CSMD1: variants seen among roughly 807,000 people sequenced by gnomAD.
CSMD1 encodes CUB and Sushi multiple domains 1.
Under a neutral mutation model 417.5 loss-of-function variants are expected in CSMD1, and 213 were observed. The observed-to-expected ratio is 0.51, with a 90% confidence interval of 0.46 to 0.57. The LOEUF (loss-of-function observed/expected upper bound fraction) is 0.57. Ranked by LOEUF, CSMD1 falls within the 20% of genes least tolerant of loss-of-function variation. CSMD1 has a pLI of 0.00. For missense variants in CSMD1, 6,923 were observed against 4,529.7 expected, an observed-to-expected ratio of 1.53 and a Z score of -15.17; for synonymous variants, 2,862 against 1,736.8, an observed-to-expected ratio of 1.65 and a Z score of -16.11.
chr8:4,665,158 T>C (rs1430692328), intron 1 of CSMD1, among the ~76,000 whole-genome samples: 1 of 152,174 alleles, frequency 6.6e-6, no homozygotes, highest in Non-Finnish European at 1.5e-5. Context: ...TTTTTTGCTT[T>C]CTTAGGTCTT....
At chr8:3,367,005 G>C (rs370882123) in intron 20 of CSMD1, 27 bp downstream of exon 20, 7 of 1,560,080 alleles carry the variant, frequency 4.5e-6, no homozygotes, top group African/African-American at 2.7e-5. Flanking sequence ...TGCCAGAGGA[G>C]AGAAACAGCA....
chr8:3,794,373 C>G (rs961848088), intron 5 of CSMD1, among the ~76,000 whole-genome samples: 1 of 152,108 alleles, frequency 6.6e-6, no homozygotes, highest in Admixed American at 6.6e-5. Flanking sequence ...ACTTATAGAT[C>G]ATGAAGTTTC....
chr8:3,818,017 A>T (rs922284303), intron 5 of CSMD1, among the ~76,000 whole-genome samples: 3 of 152,100 alleles, frequency 2.0e-5, no homozygotes, highest in African/African-American at 7.2e-5. Context: ...TTATTTTAAA[A>T]CCTTCCAACC....
chr8:3,680,990 C>G (rs981443026), intron 7 of CSMD1, among the ~76,000 whole-genome samples: 7 of 152,218 alleles, frequency 4.6e-5, no homozygotes, highest in Middle Eastern at 3.4e-3. Context: ...ATTCAACAGC[C>G]CTTCATGCTA....
chr8:4,639,717 T>A (rs958774564), intron 1 of CSMD1, among the ~76,000 whole-genome samples: 2 of 152,210 alleles, frequency 1.3e-5, no homozygotes, highest in Non-Finnish European at 2.9e-5. Context: ...TTCAACTACA[T>A]TTTATACTTA....
chr8:4,326,222 T>A (rs531563098), intron 3 of CSMD1, among the ~76,000 whole-genome samples: 1 of 152,288 alleles, frequency 6.6e-6, no homozygotes, highest in East Asian at 1.9e-4. Context: ...GAACACTGCT[T>A]TGAAAACCAT....
chr8:3,946,380 G>A (rs1326814786), intron 5 of CSMD1, among the ~76,000 whole-genome samples: 2 of 151,988 alleles, frequency 1.3e-5, no homozygotes, highest in Non-Finnish European at 2.9e-5. Context: ...GCCTGTCTCT[G>A]GATTTTCTCG....
At chr8:4,355,068 C>T in intron 3 of CSMD1, among the ~76,000 whole-genome samples, 1 of 151,930 alleles carries the variant, frequency 6.6e-6, no homozygotes, top group East Asian at 1.9e-4. Flanking sequence ...CGAGACCATC[C>T]TGGCTAACAT....
intron 1 of CSMD1, among the ~76,000 whole-genome samples, chr8:4,941,303 ACTTT>A (rs1380318490): frequency 1.3e-5 from 2 of 152,210 alleles, no homozygotes; most frequent in Non-Finnish European, 2.9e-5. Context: ...GATGTAATAT[ACTTT>A]GTTTTTGTAA....
intron 5 of CSMD1, among the ~76,000 whole-genome samples, chr8:3,946,271 C>A (rs544250616): frequency 2.2e-4 from 33 of 152,240 alleles, no homozygotes; most frequent in African/African-American, 7.5e-4. Flanking sequence ...TTAGAGAACA[C>A]AGTAAACTAG....
chr8:4,843,201 A>G (rs1201154583), intron 1 of CSMD1, among the ~76,000 whole-genome samples: 2 of 152,152 alleles, frequency 1.3e-5, no homozygotes, highest in African/African-American at 4.8e-5. Flanking sequence ...CATTGATTAT[A>G]GATGGAACAG....
chr8:3,276,050 C>A (rs565263026), intron 26 of CSMD1, among the ~76,000 whole-genome samples: 13 of 152,252 alleles, frequency 8.5e-5, no homozygotes, highest in Admixed American at 2.6e-4. Context: ...TTTTCCCCAT[C>A]TTTGTGGTTT....
chr8:3,493,786 A>G lies in CSMD1; in HGVS notation c.1345-60T>C. Reference sequence around the variant, plus strand: ...ACAGGTACTTCCCATGACTTTTAATAGGTATTGCAAATATCTAGTTATACT... The same window carrying G: ...ACAGGTACTTCCCATGACTTTTAATGGGTATTGCAAATATCTAGTTATACT... On this transcript the variant is annotated intron_variant, in intron 10 of 69. Transcript: ENST00000635120. 4 of 1,385,728 alleles carry G rather than the reference A, an allele frequency of 2.9e-6. No homozygotes were observed. In the Admixed American group the frequency reaches 7.9e-5, roughly 27 times the overall value. 85.8% of individuals were successfully genotyped at this position (1,385,728 alleles called of 1,614,324 possible).
Position 3,387,018 on chromosome 8 carries a change from G to A in CSMD1, c.2782+476C>T, listed in dbSNP as rs139918686. On this transcript the variant is annotated intron_variant, in intron 18 of 69. Transcript: ENST00000635120. Reference sequence around the variant, plus strand: ...GTGGCTGTTATCACAAAAAGCTGCTGAAGATCTCCTGACAGCTTCTGAGCT... The same window carrying A: ...GTGGCTGTTATCACAAAAAGCTGCTAAAGATCTCCTGACAGCTTCTGAGCT... Among the ~76,000 whole-genome samples, 586 of 152,296 alleles carry A rather than the reference G, an allele frequency of 3.8e-3. 4 individuals are homozygous for A. Among genetic ancestry groups the A allele is most frequent in the African/African-American group, 0.013 (556 of 41,568 alleles).
intron 5 of CSMD1, among the ~76,000 whole-genome samples, chr8:3,822,408 C>A (rs1157358187): frequency 6.6e-6 from 1 of 152,096 alleles, no homozygotes; most frequent in South Asian, 2.1e-4. Context: ...AAACCTTGGG[C>A]ATTTTTTAGG....
chr8:4,504,404 C>T (rs1361422874), intron 2 of CSMD1, among the ~76,000 whole-genome samples: 1 of 152,164 alleles, frequency 6.6e-6, no homozygotes, highest in East Asian at 1.9e-4. Flanking sequence ...CGATGAACAA[C>T]ATTGTGCCTA....
At chr8:4,860,193 T>C (rs1802042984) in intron 1 of CSMD1, among the ~76,000 whole-genome samples, 1 of 136,140 alleles carries the variant, frequency 7.3e-6, no homozygotes, top group African/African-American at 2.8e-5. Flanking sequence ...TTCTCACTCA[T>C]AGGTGGGAAC....
At chr8:3,608,448 T>C (rs919846266) in intron 8 of CSMD1, among the ~76,000 whole-genome samples, 11 of 151,928 alleles carry the variant, frequency 7.2e-5, no homozygotes, top group African/African-American at 2.2e-4. Context: ...CTTAAAAGGA[T>C]AGAAGAATTT....
chr8:4,625,399 G>A (rs945526066), intron 2 of CSMD1, among the ~76,000 whole-genome samples: 2 of 152,066 alleles, frequency 1.3e-5, no homozygotes, highest in Non-Finnish European at 2.9e-5. Context: ...AACATGCACT[G>A]CATTTTGAAG....
Sources: allele counts gnomAD v4.1 joint callset (sites outside exome capture counted in the v4.1 genomes callset), GRCh38; gene constraint gnomAD v4.1.1; transcripts MANE v1.5; gene names NCBI Gene and HGNC (gene_info 2026-07-23, HGNC 2026-07-21).